Variants in SLC35F3 observed in about 807,000 individuals in gnomAD.
SLC35F3 encodes the protein solute carrier family 35 member F3, also known as putative thiamine transporter SLC35F3.
A neutral mutation model predicts 49.9 loss-of-function variants in SLC35F3; 25 were observed. The observed-to-expected ratio is 0.50, with a 90% confidence interval of 0.37 to 0.70. The LOEUF (loss-of-function observed/expected upper bound fraction) is 0.70, where lower values mean the gene tolerates loss of function less well. Among genes scored for constraint, SLC35F3 ranks in the 30% least tolerant of loss-of-function variants. The pLI is 0.00. For synonymous variants in SLC35F3, 275 were observed against 265.4 expected, an observed-to-expected ratio of 1.04 and a Z score of -0.35; for missense variants, 525 against 639.8, an observed-to-expected ratio of 0.82 and a Z score of 1.94.
intron 2 of SLC35F3, among the ~76,000 whole-genome samples, chr1:234,014,462 A>C (rs1488366847): frequency 1.3e-5 from 2 of 152,228 alleles, no homozygotes; most frequent in Non-Finnish European, 2.9e-5. Flanking sequence ...TTTTAGTGGA[A>C]GTACTACTAG....
intron 2 of SLC35F3, among the ~76,000 whole-genome samples, chr1:233,982,331 A>AT (rs1401719285): frequency 1.1e-4 from 16 of 151,860 alleles, no homozygotes; most frequent in Admixed American, 9.2e-4. Flanking sequence ...TGATTTTTAG[A>AT]TTTTTTTAAC....
intron 3 of SLC35F3, among the ~76,000 whole-genome samples, chr1:234,297,095 A>G (rs1206030328): frequency 6.6e-6 from 1 of 152,242 alleles, no homozygotes; most frequent in African/African-American, 2.4e-5. Context: ...AATCAAAACT[A>G]CAGTGAGATA....
intron 2 of SLC35F3, among the ~76,000 whole-genome samples, chr1:233,984,026 G>T: frequency 6.6e-6 from 1 of 152,238 alleles, no homozygotes; most frequent in South Asian, 2.1e-4. Flanking sequence ...CACATCCTGC[G>T]TTTTCCCTCC....
chr1:233,981,684 G>A (rs1351164603), intron 2 of SLC35F3, among the ~76,000 whole-genome samples: 1 of 151,870 alleles, frequency 6.6e-6, no homozygotes, highest in Non-Finnish European at 1.5e-5. Context: ...AAAAAGCTCA[G>A]GAATGCAGTT....
intron 2 of SLC35F3, among the ~76,000 whole-genome samples, chr1:234,159,679 C>A (rs983177627): frequency 1.3e-5 from 2 of 152,196 alleles, no homozygotes; most frequent in African/African-American, 4.8e-5. Flanking sequence ...CCTTTGGTCA[C>A]CCTCTTTGTA....
chr1:233,908,842 G>A (rs12093918), intron 2 of SLC35F3, among the ~76,000 whole-genome samples: 77,823 of 149,530 alleles, frequency 0.52, 20,182 homozygotes, highest in Non-Finnish European at 0.55. Context: ...CTTAAAATTT[G>A]CCCAGCTTCC....
intron 2 of SLC35F3, among the ~76,000 whole-genome samples, chr1:233,990,462 G>A (rs1663335147): frequency 1.3e-5 from 2 of 152,032 alleles, no homozygotes; most frequent in African/African-American, 4.8e-5. Context: ...ATATTCAGGG[G>A]GTGGAAAAAA....
intron 2 of SLC35F3, among the ~76,000 whole-genome samples, chr1:234,150,520 TG>T (rs1666060745): frequency 1.3e-5 from 2 of 152,194 alleles, no homozygotes; most frequent in Non-Finnish European, 2.9e-5. Context: ...AAAAAATGTT[TG>T]TTCCCTTTAC....
chr1:234,021,211 C>G (rs1226069474), intron 2 of SLC35F3, among the ~76,000 whole-genome samples: 3 of 150,076 alleles, frequency 2.0e-5, no homozygotes, highest in Non-Finnish European at 4.4e-5. Flanking sequence ...AACCAGGTCA[C>G]TGCTGAGGCT....
intron 3 of SLC35F3, among the ~76,000 whole-genome samples, chr1:234,251,493 A>G (rs1667738757): frequency 6.6e-6 from 1 of 150,572 alleles, no homozygotes; most frequent in South Asian, 2.1e-4. Context: ...ACACACACAC[A>G]CTTTTAAATC....
At chr1:234,066,686 A>G (rs1348726923) in intron 2 of SLC35F3, among the ~76,000 whole-genome samples, 1 of 151,900 alleles carries the variant, frequency 6.6e-6, no homozygotes, top group Non-Finnish European at 1.5e-5. Context: ...GAGGGCAAAG[A>G]ATAGAAGCCA....
Position 234,225,016 on chromosome 1 carries a change from G to A in SLC35F3, c.284-6401G>A, listed in dbSNP as rs546267099. The stretch of plus-strand genomic sequence containing the variant: ...TAGTCAGGAGCATGACTGGGGCTTC[G>A]GCCGCATGTGAATGGTGGCAGCGTT... On this transcript the variant is annotated intron_variant, in intron 2 of 7. Transcript: ENST00000366618. Among the ~76,000 whole-genome samples, 108 of 152,256 alleles carry A rather than the reference G, an allele frequency of 7.1e-4. 1 individual carries two copies. In the Middle Eastern group the frequency reaches 0.044, roughly 62 times the overall value.
chr1:234,000,909 G>A (rs1269862567), intron 2 of SLC35F3, among the ~76,000 whole-genome samples: 2 of 152,134 alleles, frequency 1.3e-5, no homozygotes, highest in Non-Finnish European at 2.9e-5. Flanking sequence ...GGCTGCCACT[G>A]TTTGACAGTG....
intron 2 of SLC35F3, among the ~76,000 whole-genome samples, chr1:234,154,563 G>A (rs1376730081): frequency 2.0e-5 from 3 of 152,138 alleles, no homozygotes; most frequent in African/African-American, 4.8e-5. Flanking sequence ...CCAGGGAGCC[G>A]GGAAGTTATC....
At chr1:234,191,560 C>T (rs1312932389) in intron 2 of SLC35F3, among the ~76,000 whole-genome samples, 1 of 150,708 alleles carries the variant, frequency 6.6e-6, no homozygotes, top group Admixed American at 6.6e-5. Context: ...GAACAAACCA[C>T]CTCCAAGCCC....
intron 3 of SLC35F3, among the ~76,000 whole-genome samples, chr1:234,262,579 T>C (rs556261804): frequency 1.8e-4 from 28 of 152,320 alleles, no homozygotes; most frequent in African/African-American, 6.3e-4. Context: ...ACTCCCTTCC[T>C]GGTCCTCCGG....
intron 2 of SLC35F3, among the ~76,000 whole-genome samples, chr1:234,138,173 A>G (rs11802472): frequency 0.018 from 2,785 of 152,362 alleles, 79 homozygotes; most frequent in African/African-American, 0.064. Flanking sequence ...GTTACACTAT[A>G]TAACATTGCC....
intron 3 of SLC35F3, among the ~76,000 whole-genome samples, chr1:234,266,873 GT>G (rs34040004): frequency 0.031 from 3,331 of 108,700 alleles, 116 homozygotes; most frequent in African/African-American, 0.1. Context: ...GAAGCACATG[GT>G]TTTTTTTTTT....
chr1:233,972,621 C>T (rs1436572635), intron 2 of SLC35F3, among the ~76,000 whole-genome samples: 2 of 152,018 alleles, frequency 1.3e-5, no homozygotes, highest in African/African-American at 4.8e-5. Flanking sequence ...TGGCACATGG[C>T]GAGCCTGGTA....
Sources: gnomAD v4.1 joint callset for allele counts (sites outside exome capture counted in the v4.1 genomes callset) on GRCh38, gnomAD v4.1.1 for gene constraint, MANE v1.5 for transcripts, NCBI Gene and HGNC (gene_info 2026-07-23, HGNC 2026-07-21) for gene names.